FITM1: variants seen among roughly 807,000 people sequenced by gnomAD.
FITM1 encodes the protein fat storage-inducing transmembrane protein 1.
A neutral mutation model predicts 22.2 loss-of-function variants in FITM1; 11 were observed. The observed-to-expected ratio is 0.50, with a 90% CI of 0.31 to 0.82. FITM1 has a LOEUF of 0.82. Ranked by LOEUF, FITM1 falls within the 40% of genes least tolerant of loss-of-function variation. The pLI, the probability that FITM1 is intolerant of heterozygous loss-of-function variation, is 0.04. For missense variants in FITM1, 394 were observed against 386.4 expected (o/e 1.02, Z -0.17); for synonymous variants, 164 against 174.0 (o/e 0.94, Z 0.45).
At position 24,131,754 on chromosome 14, in the gene FITM1, T is replaced by C; in HGVS notation, c.191T>C (p.Val64Ala). ...RLYHAWLAAVVIFGPLLQFHV... is the reference protein window; with the variant it reads ...RLYHAWLAAVAIFGPLLQFHV... ...TACCATGCCTGGCTGGCAGCAGTGGTCATCTTTGGGCCGCTTCTGCAGTTC... is the reference window on the plus strand; with the variant it reads ...TACCATGCCTGGCTGGCAGCAGTGGCCATCTTTGGGCCGCTTCTGCAGTTC... The change falls in exon 1 of 2, where the codon GTC becomes GCC. Residue 64 changes from valine (V) to alanine (A), a missense_variant. By Grantham distance (64) the Val-to-Ala change is moderately conservative. Transcript: ENST00000267426. The C allele has an allele frequency of 6.2e-7, 1 of 1,613,972 alleles. No individual in the cohort carries two copies. Among genetic ancestry groups the C allele is most frequent in the Non-Finnish European group, 8.5e-7 (1 of 1,179,978 alleles).
In FITM1 at chr14:24,132,615, T is replaced by C; in HGVS notation, c.671T>C (p.Leu224Pro). ...AGAPLRLVFL[L>P]NVLLLGLWNF... Reference sequence around the variant, plus strand: ...GCCCCACTGCGCCTTGTCTTCCTGCTGAACGTGCTGCTGCTGGGCCTCTGG... The same window carrying C: ...GCCCCACTGCGCCTTGTCTTCCTGCCGAACGTGCTGCTGCTGGGCCTCTGG... The change falls in exon 2 of 2, where the codon CTG (leucine) becomes CCG (proline). Residue 224 changes from leucine (L) to proline (P), a missense_variant. By Grantham distance (98) the Leu-to-Pro change is moderately conservative. Coordinates refer to ENST00000267426, the MANE Select transcript of FITM1 (RefSeq NM_203402.3). 6.2e-7 allele frequency: 1 copy of C among 1,612,662 alleles called. No homozygotes were observed. The highest frequency in any genetic ancestry group is 8.5e-7 in the Non-Finnish European group (1 of 1,180,038).
At chr14:24,132,103 G>A in intron 1 of FITM1, 108 bp from the exon 2 acceptor site, 1 of 1,474,068 alleles carries the variant, frequency 6.8e-7, no homozygotes, top group Non-Finnish European at 9.2e-7. Context: ...ACGGCAAGGA[G>A]AGAACGAGTG....
chr14:24,131,635 G>T lies in FITM1; in HGVS notation c.72G>T (p.Leu24=). 1 of 1,612,686 alleles carries T rather than the reference G, an allele frequency of 6.2e-7. No individual in the cohort carries two copies. Among genetic ancestry groups the T allele is most frequent in the Non-Finnish European group, 8.5e-7 (1 of 1,179,560 alleles). The change falls in exon 1 of 2, where the codon CTG becomes CTT. Residue 24 remains leucine, a synonymous_variant. Transcript: ENST00000267426. ...GAATCCAGGCACTGCTGGGCTGCCT[G>T]CTCAAGGTGCTGCTCTGGGTGGCCT... ...GARIQALLGC[L]LKVLLWVASA...
rs376751755 is a variant in FITM1, at chr14:24,132,238, G to C, written c.294G>C (p.Trp98Cys). 6.2e-7 allele frequency: 1 copy of C among 1,612,800 alleles called. No homozygotes were observed. Among genetic ancestry groups the C allele is most frequent in the Non-Finnish European group, 8.5e-7 (1 of 1,179,578 alleles). Residue 98 changes from tryptophan to cysteine, a missense_variant, in exon 2 of 2, where the codon TGG (tryptophan) becomes TGC (cysteine). By Grantham distance (215) the Trp-to-Cys change is radical. Transcript: ENST00000267426. The part of the protein sequence containing the change: ...NIKFVNSAWG[W>C]TCTFLGGFVL... ...AATTTGTGAATTCAGCCTGGGGCTG[G>C]ACATGCACTTTCTTAGGGGGCTTTG...
Position 24,132,731 on chromosome 14 carries a change from A to G in FITM1, c.787A>G (p.Thr263Ala), listed in dbSNP as rs1343923943. The G allele has an allele frequency of 1.9e-6, 3 of 1,613,604 alleles. No homozygotes were observed. The South Asian group carries it at 3.3e-5, about 18-fold the overall frequency. The change falls in exon 2 of 2, where the codon ACC becomes GCC. Residue 263 changes from threonine (T) to alanine (A), a missense_variant. Coordinates refer to ENST00000267426, the MANE Select transcript of FITM1 (RefSeq NM_203402.3). ...AGTGGGCACCTTTGCCTGGTACCTCACCTATGGCAGCTGGTATCATCAGCC... is the reference window on the plus strand; with the variant it reads ...AGTGGGCACCTTTGCCTGGTACCTCGCCTATGGCAGCTGGTATCATCAGCC... ...AAVGTFAWYL[T>A]YGSWYHQPWS...
intron 1 of FITM1, 135 bp downstream of exon 1, chr14:24,131,964 G>A (rs1278512881): frequency 7.3e-7 from 1 of 1,365,276 alleles, no homozygotes; most frequent in Non-Finnish European, 9.7e-7. Context: ...CGGGGGAGGG[G>A]GAAGGGAACA....
At chr14:24,131,859 G>A in intron 1 of FITM1, 30 bp downstream of exon 1, 1 of 1,541,054 alleles carries the variant, frequency 6.5e-7, no homozygotes, top group Non-Finnish European at 8.7e-7. Flanking sequence ...TGGGAGCCGG[G>A]TCCCTGCACT....
chr14:24,131,260 G>C lies in FITM1; in HGVS notation c.-304G>C. On this transcript the variant is annotated 5_prime_UTR_variant, in exon 1 of 2. Coordinates refer to ENST00000267426, the MANE Select transcript of FITM1 (RefSeq NM_203402.3). ...CTATGGACAAGGACAGCCCTGAACA[G>C]CTGGCCCTGTCACAGGAACTGGAAC... is the stretch of plus-strand genomic sequence containing the variant. The C allele has an allele frequency of 1.6e-6, 1 of 613,754 alleles. No homozygotes were observed. The highest frequency in any genetic ancestry group is 2.9e-6 in the Non-Finnish European group (1 of 339,960). 38.0% of individuals were successfully genotyped at this position (613,754 alleles called of 1,614,324 possible).
Position 24,131,841 on chromosome 14 carries a change from C to G in FITM1, c.266+12C>G, listed in dbSNP as rs754525541. 1.9e-5 allele frequency: 29 copies of G among 1,565,256 alleles called. No individual in the cohort carries two copies. Among genetic ancestry groups the G allele is most frequent in the Non-Finnish European group, 2.5e-5 (29 of 1,153,798 alleles). ...AACTTCTTCAACATGTGAGTCCACT[C>G]AAGGCTGTGGGAGCCGGGTCCCTGC... is the stretch of plus-strand genomic sequence containing the variant. On this transcript the variant is annotated intron_variant, in intron 1 of 1. Coordinates refer to ENST00000267426, the MANE Select transcript of FITM1 (RefSeq NM_203402.3).
In FITM1 at chr14:24,132,520, T is replaced by A. The variant is rs1344148037; in HGVS notation, c.576T>A (p.Phe192Leu). 1.2e-6 allele frequency: 2 copies of A among 1,603,956 alleles called. No individual in the cohort carries two copies. Among genetic ancestry groups the A allele is most frequent in the African/African-American group, 1.3e-5 (1 of 74,938 alleles). ...TVSSHTFLLT[F>L]CCLLMAEEAA... ...CCTCCCACACCTTCCTGCTCACCTT[T>A]TGCTGCCTGCTCATGGCAGAGGAAG... The change falls in exon 2 of 2, where the codon TTT becomes TTA. Residue 192 changes from phenylalanine (F) to leucine (L), a missense_variant. Coordinates refer to ENST00000267426, the MANE Select transcript of FITM1 (RefSeq NM_203402.3).
chr14:24,131,664 C>A lies in FITM1; in HGVS notation c.101C>A (p.Ala34Asp). The change falls in exon 1 of 2, where the codon GCC (alanine) becomes GAC (aspartate). Residue 34 changes from alanine (A) to aspartate (D), a missense_variant. Physicochemically the swap from Ala to Asp is moderately radical, Grantham distance 126. Coordinates refer to ENST00000267426, the MANE Select transcript of FITM1 (RefSeq NM_203402.3). ...AAGGTGCTGCTCTGGGTGGCCTCTG[C>A]CTTGCTGTACTTTGGAAGCGAACAG... ...LLKVLLWVAS[A>D]LLYFGSEQAA... 6.2e-7 allele frequency: 1 copy of A among 1,613,958 alleles called. No homozygotes were observed. The highest frequency in any genetic ancestry group is 8.5e-7 in the Non-Finnish European group (1 of 1,180,010).
rs1246619090 is a variant in FITM1 at position 24,132,212 on chromosome 14, A to C, written c.268A>C (p.Lys90Gln). 6.2e-7 allele frequency: 1 copy of C among 1,608,100 alleles called. No homozygotes were observed. The change falls in exon 2 of 2, where the codon AAA (lysine) becomes CAA (glutamine). Residue 90 changes from lysine (K) to glutamine (Q), a missense_variant and splice_region_variant. Coordinates refer to ENST00000267426, the MANE Select transcript of FITM1 (RefSeq NM_203402.3). ...ATAGTCTCCCTTCTTTGCCCACAGA[A>C]AATTTGTGAATTCAGCCTGGGGCTG... ...FASHGNFFNI[K>Q]FVNSAWGWTC...
rs769075519 is a variant in FITM1, at chr14:24,131,609, C to T, written c.46C>T (p.Arg16Ter). The change falls in exon 1 of 2, where the codon CGA becomes TGA. Residue 16 changes from arginine to a stop codon, truncating the protein, a stop_gained. Transcript: ENST00000267426. LOFTEE classifies it high-confidence loss of function. The part of the protein sequence containing the change: ...VVGAGLGAGA[R>*]IQALLGCLLK... ...GGGGGCAGGACTGGGGGCCGGGGCC[C>T]GAATCCAGGCACTGCTGGGCTGCCT... 9.9e-6 allele frequency: 16 copies of T among 1,608,788 alleles called. No individual in the cohort carries two copies. In the East Asian group the frequency reaches 1.3e-4, roughly 13 times the overall value.
At position 24,131,609 on chromosome 14, in the gene FITM1, C is replaced by A; in HGVS notation, c.46C>A (p.Arg16=). 1.9e-6 allele frequency: 3 copies of A among 1,608,906 alleles called. No homozygotes were observed. The highest frequency in any genetic ancestry group is 2.5e-6 in the Non-Finnish European group (3 of 1,178,054). ...GGGGGCAGGACTGGGGGCCGGGGCC[C>A]GAATCCAGGCACTGCTGGGCTGCCT... The part of the protein sequence containing the change: ...VVGAGLGAGA[R]IQALLGCLLK... The change falls in exon 1 of 2, where the codon CGA becomes AGA. Residue 16 remains arginine (R), a synonymous_variant. Transcript: ENST00000267426.
Position 24,132,403 on chromosome 14 carries a change from C to G in FITM1, c.459C>G (p.Phe153Leu), listed in dbSNP as rs916639054. 5 of 1,610,480 alleles carry G rather than the reference C, an allele frequency of 3.1e-6. No individual in the cohort carries two copies. Among genetic ancestry groups the G allele is most frequent in the African/African-American group, 2.7e-5 (2 of 75,026 alleles). Residue 153 changes from phenylalanine (F) to leucine (L), a missense_variant, in exon 2 of 2, where the codon TTC becomes TTG. Physicochemically the swap from Phe to Leu is conservative, Grantham distance 22 (BLOSUM62 0). Transcript: ENST00000267426. ...TCGAGGACCTGACTGGCTCCTGCTTCGAGCCACTGCCCCAGGGTCTGCTGC... is the reference window on the plus strand; with the variant it reads ...TCGAGGACCTGACTGGCTCCTGCTTGGAGCCACTGCCCCAGGGTCTGCTGC... The part of the protein sequence containing the change: ...LLIEDLTGSC[F>L]EPLPQGLLLH...
In FITM1 at chr14:24,131,843, A is replaced by G. The variant is rs2037824864; in HGVS notation, c.266+14A>G. 6.4e-7 allele frequency: 1 copy of G among 1,560,110 alleles called. No individual in the cohort carries two copies. The highest frequency in any genetic ancestry group is 1.4e-5 in the African/African-American group (1 of 73,562). On this transcript the variant is annotated intron_variant, in intron 1 of 1. Coordinates refer to ENST00000267426, the MANE Select transcript of FITM1 (RefSeq NM_203402.3). Reference sequence around the variant, plus strand: ...CTTCTTCAACATGTGAGTCCACTCAAGGCTGTGGGAGCCGGGTCCCTGCAC... The same window carrying G: ...CTTCTTCAACATGTGAGTCCACTCAGGGCTGTGGGAGCCGGGTCCCTGCAC...
In FITM1 at chr14:24,131,801, T is replaced by A. The variant is rs776667680; in HGVS notation, c.238T>A (p.Phe80Ile). 1 of 1,599,182 alleles carries A rather than the reference T, an allele frequency of 6.3e-7. No homozygotes were observed. The highest frequency in any genetic ancestry group is 1.7e-5 in the Admixed American group (1 of 58,878). Reference protein sequence around the residue: ...LQFHVNPRTIFASHGNFFNIK... With the variant: ...LQFHVNPRTIIASHGNFFNIK... ...GTTCCATGTCAACCCTCGGACTATC[T>A]TCGCCAGCCACGGCAACTTCTTCAA... Residue 80 changes from phenylalanine (F) to isoleucine (I), a missense_variant, in exon 1 of 2, where the codon TTC (phenylalanine) becomes ATC (isoleucine). Physicochemically the swap from Phe to Ile is conservative, Grantham distance 21 (BLOSUM62 0). Coordinates refer to ENST00000267426, the MANE Select transcript of FITM1 (RefSeq NM_203402.3).
In FITM1 at chr14:24,131,721, G is replaced by A. The variant is rs200414982; in HGVS notation, c.158G>A (p.Arg53Gln). The A allele has an allele frequency of 2.8e-5, 45 of 1,614,040 alleles. No homozygotes were observed. Among genetic ancestry groups the A allele is most frequent in the Middle Eastern group, 1.6e-4 (1 of 6,062 alleles). ...AARLLGSPCL[R>Q]RLYHAWLAAV... The stretch of plus-strand genomic sequence containing the variant: ...CGCCTTCTGGGCAGCCCCTGCTTAC[G>A]GCGCCTCTACCATGCCTGGCTGGCA... Residue 53 changes from arginine (R) to glutamine (Q), a missense_variant, in exon 1 of 2, where the codon CGG (arginine) becomes CAG (glutamine). Coordinates refer to ENST00000267426, the MANE Select transcript of FITM1 (RefSeq NM_203402.3).
Position 24,131,804 on chromosome 14 carries a change from G to A in FITM1, c.241G>A (p.Ala81Thr), listed in dbSNP as rs199768489. 3.2e-5 allele frequency: 51 copies of A among 1,592,302 alleles called. No homozygotes were observed. The highest frequency in any genetic ancestry group is 1.9e-4 in the Middle Eastern group (1 of 5,360). The change falls in exon 1 of 2, where the codon GCC becomes ACC. Residue 81 changes from alanine to threonine, a missense_variant. Coordinates refer to ENST00000267426, the MANE Select transcript of FITM1 (RefSeq NM_203402.3). Reference protein sequence around the residue: ...QFHVNPRTIFASHGNFFNIKF... With the variant: ...QFHVNPRTIFTSHGNFFNIKF... ...CCATGTCAACCCTCGGACTATCTTC[G>A]CCAGCCACGGCAACTTCTTCAACAT...
Sources: gnomAD v4.1 joint callset for allele counts on GRCh38, gnomAD v4.1.1 for gene constraint, MANE v1.5 for transcripts, NCBI Gene and HGNC (gene_info 2026-07-23, HGNC 2026-07-21) for gene names.